ARID1B: variants seen among roughly 807,000 people sequenced by gnomAD.
ARID1B encodes AT-rich interactive domain-containing protein 1B.
Under a neutral mutation model 212.3 loss-of-function variants are expected in ARID1B, and 30 were observed. The ratio of observed to expected loss-of-function variants is 0.14; its 90% CI spans 0.11 to 0.19. The LOEUF (loss-of-function observed/expected upper bound fraction) is 0.19. Among genes scored for constraint, ARID1B ranks in the 10% least tolerant of loss-of-function variants. The pLI, the probability that ARID1B is intolerant of heterozygous loss-of-function variation, is 1.00. For synonymous variants in ARID1B, 1,402 were observed against 1,301.7 expected, an observed-to-expected ratio of 1.08 and a Z score of -1.66; for missense variants, 2,891 against 3,204.0, an observed-to-expected ratio of 0.90 and a Z score of 2.36.
chr6:157,115,541 C>A (rs553045977), intron 6 of ARID1B, among the ~76,000 whole-genome samples: 2 of 152,312 alleles, frequency 1.3e-5, no homozygotes, highest in East Asian at 3.9e-4. Context: ...ATTCTCCTGC[C>A]TCAGCCTCCC....
chr6:156,877,649 C>T (rs558479936), intron 2 of ARID1B, among the ~76,000 whole-genome samples: 2 of 151,808 alleles, frequency 1.3e-5, no homozygotes, highest in African/African-American at 2.4e-5. Flanking sequence ...TTGGAGCTGC[C>T]GGCCTCTGAA....
intron 1 of ARID1B, among the ~76,000 whole-genome samples, chr6:156,812,975 T>TATGTATATACATATATATACACATAC (rs1159448637): frequency 1.9e-5 from 2 of 103,586 alleles, no homozygotes; most frequent in Non-Finnish European, 3.9e-5. Context: ...TGTGTGTGTG[T>TATGTATATACATATATATACACATAC]GTATGTATAT....
intron 4 of ARID1B, among the ~76,000 whole-genome samples, chr6:157,037,247 G>A (rs781027823): frequency 3.9e-5 from 6 of 152,148 alleles, no homozygotes; most frequent in Non-Finnish European, 8.8e-5. Flanking sequence ...GTTATTCATT[G>A]ATTTATTAAA....
intron 4 of ARID1B, among the ~76,000 whole-genome samples, chr6:157,011,773 A>G (rs1047481249): frequency 4.6e-5 from 7 of 152,200 alleles, no homozygotes; most frequent in African/African-American, 1.4e-4. Context: ...TTTCTCTACT[A>G]CCTTATTTTG....
chr6:156,779,737 C>T (rs920138047), intron 1 of ARID1B: 6 of 159,086 alleles, frequency 3.8e-5, no homozygotes, highest in East Asian at 1.9e-4. Context: ...CGCGTCCCCC[C>T]CCTCCCCCAG....
chr6:156,961,187 C>G (rs938896586), intron 4 of ARID1B, among the ~76,000 whole-genome samples: 4 of 152,212 alleles, frequency 2.6e-5, no homozygotes, highest in African/African-American at 7.2e-5. Flanking sequence ...CTCCCAGGTG[C>G]GTGCTCTGCG....
intron 6 of ARID1B, among the ~76,000 whole-genome samples, chr6:157,120,897 G>C (rs1436549844): frequency 2.6e-5 from 4 of 152,182 alleles, no homozygotes; most frequent in Admixed American, 6.5e-5. Context: ...AAATTTTTCT[G>C]TAATTGATTT....
At chr6:156,921,568 A>G (rs575715411) in intron 3 of ARID1B, among the ~76,000 whole-genome samples, 116 of 152,092 alleles carry the variant, frequency 7.6e-4, no homozygotes, top group African/African-American at 2.6e-3. Flanking sequence ...TGGCCTGTCT[A>G]CTTTCGTAGA....
At chr6:157,153,169 CCTG>C (rs1004610344) in intron 8 of ARID1B, among the ~76,000 whole-genome samples, 7 of 152,254 alleles carry the variant, frequency 4.6e-5, no homozygotes, top group Admixed American at 3.3e-4. Context: ...GTAAAATCGA[CCTG>C]CTGCATTGAA....
intron 4 of ARID1B, chr6:157,024,477 C>T (rs1041986057): frequency 3.9e-5 from 6 of 152,158 alleles, no homozygotes; most frequent in African/African-American, 4.8e-5. Context: ...TCTAGCTTTT[C>T]GGGGCTGGAT....
chr6:157,181,687 G>T (rs944478101), intron 12 of ARID1B, among the ~76,000 whole-genome samples: 1 of 152,174 alleles, frequency 6.6e-6, no homozygotes, highest in African/African-American at 2.4e-5. Flanking sequence ...TAGGCCTGAG[G>T]TGTGACAGGG....
intron 4 of ARID1B, among the ~76,000 whole-genome samples, chr6:157,014,501 G>A (rs752391408): frequency 2.9e-4 from 44 of 152,100 alleles, no homozygotes; most frequent in Non-Finnish European, 7.4e-5. Context: ...TGGTAAGTAG[G>A]GTCCTGCTTT....
At chr6:157,123,888 G>A (rs565980513) in intron 6 of ARID1B, among the ~76,000 whole-genome samples, 27 of 152,336 alleles carry the variant, frequency 1.8e-4, no homozygotes, top group Middle Eastern at 6.8e-3. Context: ...AGCTACTAAC[G>A]TGCCCACAGC....
rs139304104 is a variant in ARID1B at position 157,087,161 on chromosome 6, C to T, written c.2491+2256C>T. ...GGAAATTAGGCAGCAAAAGCTCCAC[C>T]TTTTTTTTGGTGGCATATTCTTCAA... On this transcript the variant is annotated intron_variant, in intron 5 of 19. Transcript: ENST00000636930. Among the ~76,000 whole-genome samples the T allele has an allele frequency of 2.0e-5, 3 of 151,988 alleles. No homozygotes were observed. The East Asian group carries it at 5.8e-4, about 29-fold the overall frequency.
chr6:156,910,269 G>A (rs909999604), intron 3 of ARID1B, among the ~76,000 whole-genome samples: 7 of 152,180 alleles, frequency 4.6e-5, no homozygotes, highest in Admixed American at 3.3e-4. Context: ...CAGATACCCT[G>A]GTGATGGTTA....
intron 4 of ARID1B, among the ~76,000 whole-genome samples, chr6:156,951,145 A>C (rs1793554880): frequency 6.6e-6 from 1 of 152,240 alleles, no homozygotes; most frequent in Non-Finnish European, 1.5e-5. Context: ...TAACTGAAAG[A>C]GTCCTGGTGT....
intron 4 of ARID1B, among the ~76,000 whole-genome samples, chr6:157,056,636 G>A (rs1024913369): frequency 7.9e-5 from 12 of 152,110 alleles, no homozygotes; most frequent in Non-Finnish European, 1.8e-4. Flanking sequence ...AATCTTCATA[G>A]GCATGCAAAT....
intron 7 of ARID1B, among the ~76,000 whole-genome samples, chr6:157,143,143 A>G (rs1261148935): frequency 6.6e-6 from 1 of 152,030 alleles, no homozygotes; most frequent in African/African-American, 2.4e-5. Context: ...TTGGTGACCA[A>G]TTTTCCAAAG....
intron 1 of ARID1B, among the ~76,000 whole-genome samples, chr6:156,824,009 T>C (rs1251632650): frequency 6.6e-6 from 1 of 152,210 alleles, no homozygotes; most frequent in Admixed American, 6.5e-5. Flanking sequence ...TCTGAAAGCC[T>C]ATCTGACATG....
Sources: gnomAD v4.1 joint callset for allele counts (sites outside exome capture counted in the v4.1 genomes callset) on GRCh38, gnomAD v4.1.1 for gene constraint, MANE v1.5 for transcripts, NCBI Gene and HGNC (gene_info 2026-07-23, HGNC 2026-07-21) for gene names.